The following ADAMTS10 variants were observed in gnomAD, a reference collection of about 807,000 sequenced individuals.
ADAMTS10 encodes the protein ADAM metallopeptidase with thrombospondin type 1 motif 10.
ADAMTS10 carries 48 observed loss-of-function variants against 135.9 expected under a neutral mutation model. The observed-to-expected ratio is 0.35, with a 90% CI of 0.28 to 0.45. The LOEUF is 0.45. Among genes scored for constraint, ADAMTS10 ranks in the 20% least tolerant of loss-of-function variants. The probability of loss-of-function intolerance (pLI) is 1.00; values close to 1 mark genes in which losing one functional copy is unlikely to be tolerated. For synonymous variants in ADAMTS10, 621 were observed against 647.5 expected (o/e 0.96, Z 0.62); for missense variants, 1,131 against 1,565.2 (o/e 0.72, Z 4.68).
At chr19:8,595,702 T>TGC in intron 12 of ADAMTS10, 60 bp downstream of exon 12, 557 of 893,744 alleles carry the variant, frequency 6.2e-4, no homozygotes, top group Non-Finnish European at 8.4e-4. Context: ...TGGAGTTCCC[T>TGC]CCCCCAGCCC....
At chr19:8,581,165 T>C (rs1387156639) in intron 25 of ADAMTS10, 163 bp from the exon 26 acceptor site, 1 of 426,276 alleles carries the variant, frequency 2.3e-6, no homozygotes. Flanking sequence ...TTTTTACAGA[T>C]GTTATCTTGC....
intron 25 of ADAMTS10, among the ~76,000 whole-genome samples, chr19:8,582,336 C>T (rs1317056360): frequency 6.6e-6 from 1 of 152,048 alleles, no homozygotes; most frequent in East Asian, 2.0e-4. Flanking sequence ...GGCGTGGTGG[C>T]AGGCGCCTGT....
rs10405956 is a variant in ADAMTS10 at position 8,584,995 on chromosome 19, C to T, written c.3102G>A (p.Thr1034=). Residue 1034 remains threonine (T), a synonymous_variant, in exon 25 of 26, where the codon ACG becomes ACA. Transcript: ENST00000597188. ...RQRSVRCTSH[T]GQASHECTEA... ...CCGTGCACTCGTGCGACGCCTGGCCCGTGTGGCTGGTGCAGCGCACCGAGC... is the reference window on the plus strand; with the variant it reads ...CCGTGCACTCGTGCGACGCCTGGCCTGTGTGGCTGGTGCAGCGCACCGAGC... The T allele has an allele frequency of 6.1e-3, 9,467 of 1,543,236 alleles. 436 individuals carry two copies. The African/African-American group carries it at 0.1, about 17-fold the overall frequency.
intron 25 of ADAMTS10, chr19:8,582,668 AT>A (rs5827005): frequency 0.63 from 90,140 of 142,614 alleles, 28,174 homozygotes; most frequent in East Asian, 0.82. Context: ...CTACAGATGG[AT>A]TTTTTTTTTT....
At chr19:8,610,291 C>T (rs1555743259) in intron 1 of ADAMTS10, among the ~76,000 whole-genome samples, 1 of 151,864 alleles carries the variant, frequency 6.6e-6, no homozygotes, top group Non-Finnish European at 1.5e-5. Context: ...CACACACTCG[C>T]CTCCAGATCT....
chr19:8,587,516 G>C (rs1309516561), intron 18 of ADAMTS10, among the ~76,000 whole-genome samples: 1 of 148,380 alleles, frequency 6.7e-6, no homozygotes, highest in African/African-American at 2.5e-5. Flanking sequence ...ACCCAGGTTG[G>C]AGTGCAGTGG....
intron 25 of ADAMTS10, among the ~76,000 whole-genome samples, chr19:8,583,944 G>T (rs1436596069): frequency 2.0e-5 from 3 of 151,978 alleles, no homozygotes; most frequent in East Asian, 3.9e-4. Flanking sequence ...GGATCACAAG[G>T]TCAGGAGTTT....
chr19:8,608,261 G>A lies in ADAMTS10; in HGVS notation c.-214-13C>T, dbSNP rs1555742929. On this transcript the variant is annotated splice_polypyrimidine_tract_variant and intron_variant, in intron 1 of 25. Transcript: ENST00000597188. ...TCTTCTTTGGAGCCTGGGCAGGGAG[G>A]GGTCAAAGAGGAGGAGCCGGGCTGG... 6.6e-6 allele frequency: 1 copy of A among 152,566 alleles called. No individual in the cohort carries two copies. Among genetic ancestry groups the A allele is most frequent in the African/African-American group, 2.4e-5 (1 of 41,416 alleles). The allele number at this position is 152,566 out of a possible 1,614,324, so 9.5% of individuals were successfully genotyped here. A position where few individuals can be genotyped will look rare whatever the true frequency, so the allele number is the denominator to read the frequency against.
At chr19:8,586,952 C>T in intron 18 of ADAMTS10, 56 bp from the exon 19 acceptor site, 1 of 1,566,300 alleles carries the variant, frequency 6.4e-7, no homozygotes, top group East Asian at 2.2e-5. Context: ...ACCTGCCTGC[C>T]TCCCCTGTCC....
At position 8,595,783 on chromosome 19, in the gene ADAMTS10, T is replaced by A. The variant is rs782812770; in HGVS notation, c.1458A>T (p.Lys486Asn). Residue 486 changes from lysine (K) to asparagine (N), a missense_variant, in exon 12 of 26, where the codon AAA (lysine) becomes AAT (asparagine). Lys to Asn is a moderately conservative substitution (Grantham distance 94). This residue lies in a region of ADAMTS10 where 745 missense variants were observed against 1,056.3 expected (regional missense o/e 0.71). Transcript: ENST00000597188. ...DEQCRFQHGV[K>N]SRQCKYGEVC... ...CTACCCCGTATTTACACTGACGCGATTTGACTCCATGCTGAAAGCGGCATT... is the reference window on the plus strand; with the variant it reads ...CTACCCCGTATTTACACTGACGCGAATTGACTCCATGCTGAAAGCGGCATT... The A allele has an allele frequency of 1.7e-5, 28 of 1,605,820 alleles. No individual in the cohort carries two copies. The highest frequency in any genetic ancestry group is 2.4e-5 in the Non-Finnish European group (28 of 1,174,966).
chr19:8,586,628 AGTTGAAAGGTG>A lies in ADAMTS10; in HGVS notation c.2322_2332del (p.Thr775AlafsTer17), dbSNP rs1555737315. On this transcript the variant is annotated frameshift_variant, in exon 20 of 26. Coordinates refer to ENST00000597188, the MANE Select transcript of ADAMTS10 (RefSeq NM_030957.4). LOFTEE classifies it high-confidence loss of function. ...CTGGACCTGGTCTGGCCCCTGTCGC[AGTTGAAAGGTG>A]GTCCCAGCTAGAGGCAGACGGTGGG... The A allele has an allele frequency of 1.2e-6, 2 of 1,614,042 alleles. No individual in the cohort carries two copies. Among genetic ancestry groups the A allele is most frequent in the Non-Finnish European group, 1.7e-6 (2 of 1,179,992 alleles).
At chr19:8,583,477 G>A (rs2042380962) in intron 25 of ADAMTS10, among the ~76,000 whole-genome samples, 1 of 151,952 alleles carries the variant, frequency 6.6e-6, no homozygotes, top group African/African-American at 2.4e-5. Flanking sequence ...GGAGGTGGAG[G>A]TTGCAGTGAG....
chr19:8,607,311 G>A (rs536411119), intron 2 of ADAMTS10, among the ~76,000 whole-genome samples: 1 of 152,212 alleles, frequency 6.6e-6, no homozygotes, highest in South Asian at 2.1e-4. Context: ...TGGATTCTCT[G>A]CACTGGGTAG....
chr19:8,597,136 G>A lies in ADAMTS10; in HGVS notation c.895-4C>T. 3 of 1,614,180 alleles carry A rather than the reference G, an allele frequency of 1.9e-6. No individual in the cohort carries two copies. Among genetic ancestry groups the A allele is most frequent in the Non-Finnish European group, 2.5e-6 (3 of 1,180,040 alleles). ...GGTGGGTGATCTCCAGAGTGGGCTGGGGATGGACAGAGGGAAATGCATGGG... is the reference window on the plus strand; with the variant it reads ...GGTGGGTGATCTCCAGAGTGGGCTGAGGATGGACAGAGGGAAATGCATGGG... On this transcript the variant is annotated splice_polypyrimidine_tract_variant and splice_region_variant and intron_variant, in intron 7 of 25. Transcript: ENST00000597188.
intron 1 of ADAMTS10, among the ~76,000 whole-genome samples, chr19:8,609,930 GAC>G (rs1555743208): frequency 6.6e-6 from 1 of 151,584 alleles, no homozygotes; most frequent in African/African-American, 2.4e-5. Flanking sequence ...AACACATGGA[GAC>G]ACACAACCAC....
intron 6 of ADAMTS10, among the ~76,000 whole-genome samples, chr19:8,599,718 T>C (rs1226586627): frequency 3.3e-5 from 5 of 151,652 alleles, no homozygotes; most frequent in Non-Finnish European, 7.3e-5. Flanking sequence ...CAAGTGATCC[T>C]CCTGCCTCAG....
chr19:8,608,917 G>C (rs1212132547), intron 1 of ADAMTS10, among the ~76,000 whole-genome samples: 1 of 151,530 alleles, frequency 6.6e-6, no homozygotes, highest in Non-Finnish European at 1.5e-5. Flanking sequence ...GGGGGAGGAG[G>C]GGGGTCTGCA....
intron 12 of ADAMTS10, chr19:8,593,311 T>G (rs1600107367): frequency 5.7e-6 from 1 of 176,012 alleles, no homozygotes; most frequent in African/African-American, 2.4e-5. Context: ...CAGGAAGGAT[T>G]TGGGGTTCTT....
intron 6 of ADAMTS10, among the ~76,000 whole-genome samples, chr19:8,600,537 C>T (rs368537837): frequency 7.2e-4 from 101 of 140,842 alleles, no homozygotes; most frequent in African/African-American, 2.5e-3. Context: ...CTTGCTCTGT[C>T]GCCCAGGCTG....
Sources: gnomAD v4.1 joint callset for allele counts (sites outside exome capture counted in the v4.1 genomes callset) on GRCh38, gnomAD v4.1.1 for gene constraint, gnomAD v4.1.1 regional missense constraint, MANE v1.5 for transcripts, NCBI Gene and HGNC (gene_info 2026-07-23, HGNC 2026-07-21) for gene names.